Variants in OTUD7A observed in about 807,000 individuals in gnomAD.
The protein encoded by OTUD7A is OTU domain-containing protein 7A.
Under a neutral mutation model 65.7 loss-of-function variants are expected in OTUD7A, and 12 were observed. The ratio of observed to expected loss-of-function variants is 0.18; its 90% CI spans 0.12 to 0.30. The LOEUF is 0.30. Among genes scored for constraint, OTUD7A ranks in the 10% least tolerant of loss-of-function variants. The pLI is 1.00. For synonymous variants in OTUD7A, 641 were observed against 586.3 expected (o/e 1.09, Z -1.35); for missense variants, 1,148 against 1,304.8 (o/e 0.88, Z 1.85).
intron 1 of OTUD7A, among the ~76,000 whole-genome samples, chr15:31,760,844 C>G (rs1366721787): frequency 6.6e-6 from 1 of 152,160 alleles, no homozygotes; most frequent in Non-Finnish European, 1.5e-5. Flanking sequence ...TTGGCATAAA[C>G]CCTTGCATTT....
intron 1 of OTUD7A, among the ~76,000 whole-genome samples, chr15:31,700,057 C>T (rs577677877): frequency 1.3e-5 from 2 of 151,516 alleles, no homozygotes; most frequent in Non-Finnish European, 2.9e-5. Flanking sequence ...CCACAGAAGT[C>T]ACCCCCTGCT....
chr15:31,481,655 A>G lies in OTUD7A; in HGVS notation c.*1639T>C, dbSNP rs571142844. On this transcript the variant is annotated 3_prime_UTR_variant, in exon 13 of 13. Coordinates refer to ENST00000307050, the MANE Select transcript of OTUD7A (RefSeq NM_001382637.1). Reference sequence around the variant, plus strand: ...TTACTGAAAACTCCACCTGCTGTGGAATAATTAAAAACAAAAAGGCATTAC... The same window carrying G: ...TTACTGAAAACTCCACCTGCTGTGGGATAATTAAAAACAAAAAGGCATTAC... 3 of 152,410 alleles carry G rather than the reference A, an allele frequency of 2.0e-5. No individual in the cohort carries two copies. The highest frequency in any genetic ancestry group is 4.4e-5 in the Non-Finnish European group (3 of 68,038). 9.4% of individuals were successfully genotyped at this position (152,410 alleles called of 1,614,324 possible). A position where few individuals can be genotyped will look rare whatever the true frequency, so the allele number is the denominator to read the frequency against.
At chr15:31,614,773 C>T (rs1183727526) in intron 3 of OTUD7A, among the ~76,000 whole-genome samples, 1 of 152,072 alleles carries the variant, frequency 6.6e-6, no homozygotes, top group Non-Finnish European at 1.5e-5. Flanking sequence ...ATCATTATAG[C>T]CAAGTGGGTA....
intron 1 of OTUD7A, among the ~76,000 whole-genome samples, chr15:31,753,707 T>TAATATATAACCTGTG (rs1567004946): frequency 8.0e-5 from 6 of 75,342 alleles, no homozygotes; most frequent in African/African-American, 3.9e-4. Context: ...ATATATTATA[T>TAATATATAACCTGTG]ATATATATAT....
At chr15:31,595,990 C>T (rs930615680) in intron 3 of OTUD7A, among the ~76,000 whole-genome samples, 1 of 152,142 alleles carries the variant, frequency 6.6e-6, no homozygotes, top group African/African-American at 2.4e-5. Flanking sequence ...TCTCAGGGCC[C>T]TGTGTCTTCC....
chr15:31,497,038 A>T (rs1055217497), intron 10 of OTUD7A, among the ~76,000 whole-genome samples: 2 of 151,916 alleles, frequency 1.3e-5, no homozygotes, highest in Admixed American at 1.3e-4. Context: ...CTCTCTGTTC[A>T]CACCAGCATC....
intron 1 of OTUD7A, among the ~76,000 whole-genome samples, chr15:31,860,462 C>G (rs950665507): frequency 6.6e-6 from 1 of 151,412 alleles, no homozygotes; most frequent in African/African-American, 2.4e-5. Flanking sequence ...AATGGAGAGA[C>G]TGTTCTGAAC....
chr15:31,848,856 C>T (rs1454900180), intron 1 of OTUD7A, among the ~76,000 whole-genome samples: 2 of 152,194 alleles, frequency 1.3e-5, no homozygotes, highest in Non-Finnish European at 2.9e-5. Flanking sequence ...CCTTGGCATA[C>T]AAATGCACCA....
At chr15:31,568,706 G>A (rs764676863) in intron 4 of OTUD7A, among the ~76,000 whole-genome samples, 9 of 152,192 alleles carry the variant, frequency 5.9e-5, no homozygotes, top group Non-Finnish European at 8.8e-5. Context: ...TTTGGATCAC[G>A]GGGGCAGATC....
intron 1 of OTUD7A, among the ~76,000 whole-genome samples, chr15:31,709,904 C>A (rs1005532659): frequency 1.2e-4 from 18 of 151,422 alleles, no homozygotes; most frequent in Non-Finnish European, 1.0e-4. Flanking sequence ...CTAAAGAAAA[C>A]AAGTTGCAGA....
At chr15:31,665,351 G>C (rs1892289862) in intron 1 of OTUD7A, among the ~76,000 whole-genome samples, 1 of 152,138 alleles carries the variant, frequency 6.6e-6, no homozygotes, top group African/African-American at 2.4e-5. Context: ...GTGTTCTGTA[G>C]TTTTCCTTGT....
chr15:31,641,478 A>C (rs1891514910), intron 3 of OTUD7A, among the ~76,000 whole-genome samples: 1 of 152,334 alleles, frequency 6.6e-6, no homozygotes, highest in East Asian at 1.9e-4. Context: ...TCTACATAAA[A>C]AGCTGGCTTG....
intron 1 of OTUD7A, among the ~76,000 whole-genome samples, chr15:31,815,758 G>C (rs1273886988): frequency 6.6e-6 from 1 of 152,228 alleles, no homozygotes; most frequent in Non-Finnish European, 1.5e-5. Flanking sequence ...ATCCCACGGG[G>C]GTTGTTTTGA....
chr15:31,532,191 A>T lies in OTUD7A; in HGVS notation c.551-1383T>A, dbSNP rs571469951. ...CAAACAGAACAAGAAAAGATATGAA[A>T]ACTGAGATGACAGATGTTAGAGTTA... On this transcript the variant is annotated intron_variant, in intron 5 of 12. Transcript: ENST00000307050. Among the ~76,000 whole-genome samples the T allele has an allele frequency of 1.8e-4, 27 of 152,352 alleles. No individual in the cohort carries two copies. In the South Asian group the frequency reaches 4.3e-3, roughly 25 times the overall value.
At chr15:31,767,994 G>A in intron 1 of OTUD7A, 1 of 1,584,868 alleles carries the variant, frequency 6.3e-7, no homozygotes, top group Non-Finnish European at 8.7e-7. Context: ...AACAGTTGTT[G>A]CCTTGTAACT....
chr15:31,854,362 T>C (rs1247831134), intron 1 of OTUD7A, among the ~76,000 whole-genome samples: 1 of 152,176 alleles, frequency 6.6e-6, no homozygotes, highest in Admixed American at 6.5e-5. Flanking sequence ...GAAAACTCCC[T>C]CTTGCCACAT....
At position 31,860,677 on chromosome 15, in the gene OTUD7A, G is replaced by GTGTGTGTATATATATATATATATATA. The variant is rs560896384; in HGVS notation, c.-100+9829_-100+9830insTATATATATATATATATATACACACA. On this transcript the variant is annotated intron_variant, in intron 1 of 12. Transcript: ENST00000307050. ...TGTGTGTATATATAGATGTATGTGT[G>GTGTGTGTATATATATATATATATATA]TATATATATATATATATATATATGT... 3.1e-4 allele frequency among the ~76,000 whole-genome samples: 23 copies of GTGTGTGTATATATATATATATATATA among 73,282 alleles called. 1 individual carries two copies. Among genetic ancestry groups the GTGTGTGTATATATATATATATATATA allele is most frequent in the South Asian group, 1.8e-3 (3 of 1,646 alleles). 48.1% of individuals were successfully genotyped at this position (73,282 alleles called of 152,430 possible).
In OTUD7A at chr15:31,823,911, C is replaced by A. The variant is rs542034176; in HGVS notation, c.-100+46596G>T. 2.6e-4 allele frequency among the ~76,000 whole-genome samples: 39 copies of A among 152,330 alleles called. No homozygotes were observed. In the South Asian group the frequency reaches 3.7e-3, roughly 15 times the overall value. Reference sequence around the variant, plus strand: ...AATAAGAAACAGTTCATGGCATAAACTGTCATATGTCATTAACCTGACACC... The same window carrying A: ...AATAAGAAACAGTTCATGGCATAAAATGTCATATGTCATTAACCTGACACC... On this transcript the variant is annotated intron_variant, in intron 1 of 12. Transcript: ENST00000307050.
chr15:31,703,573 C>G (rs1381607146), intron 1 of OTUD7A, among the ~76,000 whole-genome samples: 1 of 152,192 alleles, frequency 6.6e-6, no homozygotes, highest in African/African-American at 2.4e-5. Flanking sequence ...AGTGACAACA[C>G]CAATAGTTGA....
Sources: allele counts gnomAD v4.1 joint callset (sites outside exome capture counted in the v4.1 genomes callset), GRCh38; gene constraint gnomAD v4.1.1; transcripts MANE v1.5; gene names NCBI Gene and HGNC (gene_info 2026-07-23, HGNC 2026-07-21).